The following RIN3 variants were observed in gnomAD, a reference collection of about 807,000 sequenced individuals.
RIN3 encodes Ras and Rab interactor 3, also known as RAB5 interacting protein 3.
RIN3 carries 54 observed loss-of-function variants against 76.3 expected under a neutral mutation model. That is an observed-to-expected ratio of 0.71 (90% CI 0.57 to 0.89). The LOEUF (loss-of-function observed/expected upper bound fraction) is 0.89, where lower values mean the gene tolerates loss of function less well. Ranked by LOEUF, RIN3 falls within the 40% of genes least tolerant of loss-of-function variation. RIN3 has a pLI of 0.00. For missense variants in RIN3, 1,256 were observed against 1,322.1 expected (o/e 0.95, Z 0.78); for synonymous variants, 576 against 564.0 (o/e 1.02, Z -0.30).
At position 92,652,713 on chromosome 14, in the gene RIN3, CGGA is replaced by C; in HGVS notation, c.1672_1674del (p.Glu558del). On this transcript the variant is annotated inframe_deletion, in exon 6 of 10. Coordinates refer to ENST00000216487, the MANE Select transcript of RIN3 (RefSeq NM_024832.5). This position sits in a 1 kb window ranked among gnomAD's most constrained non-coding sequence, Gnocchi z 6.4. The stretch of plus-strand genomic sequence containing the variant: ...CAGGACTCCTACTCCACCAGCAGCA[CGGA>C]GGAGGAGCTGGAGCAGTTCAGCAGC... The C allele has an allele frequency of 6.2e-7, 1 of 1,613,602 alleles. No individual in the cohort carries two copies. The highest frequency in any genetic ancestry group is 8.5e-7 in the Non-Finnish European group (1 of 1,180,024).
chr14:92,577,161 A>C (rs1465513105), intron 2 of RIN3, 199 bp from the exon 3 acceptor site: 1 of 503,254 alleles, frequency 2.0e-6, no homozygotes, highest in Non-Finnish European at 3.7e-6. Context: ...CTGAGCATGC[A>C]GGATCCTCAA....
chr14:92,673,140 A>C (rs1322573541), intron 7 of RIN3, among the ~76,000 whole-genome samples: 1 of 152,164 alleles, frequency 6.6e-6, no homozygotes, highest in Non-Finnish European at 1.5e-5. Flanking sequence ...AAGGAAAAAA[A>C]AAATAGCCAG....
intron 4 of RIN3, among the ~76,000 whole-genome samples, chr14:92,631,489 C>G (rs1166967917): frequency 6.6e-6 from 1 of 152,174 alleles, no homozygotes; most frequent in Non-Finnish European, 1.5e-5. Context: ...AGAGGGTTTC[C>G]AGACCTGGCT....
intron 4 of RIN3, among the ~76,000 whole-genome samples, chr14:92,618,223 C>T (rs911228825): frequency 6.6e-6 from 1 of 152,190 alleles, no homozygotes; most frequent in African/African-American, 2.4e-5. Flanking sequence ...AAACAGACCC[C>T]TTTTCCACTT....
In RIN3 at chr14:92,652,489, C is replaced by T. The variant is rs138881373; in HGVS notation, c.1440C>T (p.Asn480=). 715 of 1,614,110 alleles carry T rather than the reference C, an allele frequency of 4.4e-4. 5 individuals carry two copies. In the African/African-American group the frequency reaches 7.7e-3, roughly 17 times the overall value. The change falls in exon 6 of 10, where the codon AAC becomes AAT. Residue 480 remains asparagine (N), a synonymous_variant. Coordinates refer to ENST00000216487, the MANE Select transcript of RIN3 (RefSeq NM_024832.5). The surrounding 1 kb of genome is among the most constrained non-coding windows in gnomAD (Gnocchi z 6.4). The part of the protein sequence containing the change: ...LASTLPAPLE[N]AELCTQAMAL... ...CGACCCTCCCAGCTCCCTTAGAGAA[C>T]GCTGAGCTCTGCACACAGGCGATGG...
intron 3 of RIN3, among the ~76,000 whole-genome samples, chr14:92,610,306 C>G (rs534575969): frequency 2.0e-5 from 3 of 152,320 alleles, no homozygotes; most frequent in African/African-American, 4.8e-5. Flanking sequence ...GAAGCCCATA[C>G]CATTTAGCTA....
intron 3 of RIN3, among the ~76,000 whole-genome samples, chr14:92,594,032 T>C (rs912514048): frequency 6.6e-6 from 1 of 152,136 alleles, no homozygotes; most frequent in African/African-American, 2.4e-5. Flanking sequence ...TATAGACTAT[T>C]TTATCCAACA....
In RIN3 at chr14:92,648,029, A is replaced by G. The variant is rs985615374; in HGVS notation, c.533-3553A>G. On this transcript the variant is annotated intron_variant, in intron 5 of 9. Transcript: ENST00000216487. The surrounding 1 kb of genome is among the most constrained non-coding windows in gnomAD (Gnocchi z 4.1). ...CCAAACCACTAGGATTGCATGACAC[A>G]GGGTTCTGTTTCTCCCCTGGCCTTG... Among the ~76,000 whole-genome samples, 6 of 151,352 alleles carry G rather than the reference A, an allele frequency of 4.0e-5. No individual in the cohort carries two copies. Among genetic ancestry groups the G allele is most frequent in the African/African-American group, 7.3e-5 (3 of 41,146 alleles).
chr14:92,524,206 T>A (rs914816545), intron 1 of RIN3, among the ~76,000 whole-genome samples: 1 of 152,098 alleles, frequency 6.6e-6, no homozygotes, highest in Admixed American at 6.6e-5. Flanking sequence ...TCCAAAAAAC[T>A]AAACGAAAAT....
In RIN3 at chr14:92,537,634, C is replaced by CTTTTTTT. The variant is rs576683908; in HGVS notation, c.45-18096_45-18090dup. Among the ~76,000 whole-genome samples, 23 of 51,636 alleles carry CTTTTTTT rather than the reference C, an allele frequency of 4.5e-4. 2 individuals are homozygous for CTTTTTTT. The highest frequency in any genetic ancestry group is 6.2e-4 in the African/African-American group (8 of 12,822). The allele number at this position is 51,636 out of a possible 152,430, so 33.9% of individuals were successfully genotyped here. On this transcript the variant is annotated intron_variant, in intron 1 of 9. Transcript: ENST00000216487. The stretch of plus-strand genomic sequence containing the variant: ...CAGCTATAAGTGAGTGCCTTAGGGA[C>CTTTTTTT]TTTTTTTTTTTTTTTTTTTTTTTTT...
intron 2 of RIN3, among the ~76,000 whole-genome samples, chr14:92,567,624 A>ATTTT (rs34729914): frequency 2.2e-5 from 3 of 133,636 alleles, no homozygotes; most frequent in Admixed American, 7.6e-5. Context: ...CTTCTGCTGC[A>ATTTT]TTTTTTTTTT....
At chr14:92,550,177 C>G (rs969052809) in intron 1 of RIN3, among the ~76,000 whole-genome samples, 2 of 152,324 alleles carry the variant, frequency 1.3e-5, no homozygotes, top group South Asian at 4.1e-4. Context: ...CAAGTCACTT[C>G]AATCAAATGT....
intron 7 of RIN3, among the ~76,000 whole-genome samples, chr14:92,671,324 AG>A (rs1222445961): frequency 3.4e-5 from 5 of 146,010 alleles, no homozygotes; most frequent in Admixed American, 2.0e-4. Flanking sequence ...GGGTCCCAGG[AG>A]GGGGGGAACT....
chr14:92,652,794 T>C lies in RIN3; in HGVS notation c.1745T>C (p.Leu582Pro). The stretch of plus-strand genomic sequence containing the variant: ...ATCCTGGGCAAGGCTCGGCACCGGC[T>C]GAGCTTTGCCAGTTTCAGCAGCATG... Reference protein sequence around the residue: ...SMILGKARHRLSFASFSSMFH... With the variant: ...SMILGKARHRPSFASFSSMFH... The change falls in exon 6 of 10, where the codon CTG becomes CCG. Residue 582 changes from leucine (L) to proline (P), a missense_variant. Physicochemically the swap from Leu to Pro is moderately conservative, Grantham distance 98. Coordinates refer to ENST00000216487, the MANE Select transcript of RIN3 (RefSeq NM_024832.5). The surrounding 1 kb of genome is among the most constrained non-coding windows in gnomAD (Gnocchi z 6.4). The C allele has an allele frequency of 6.2e-7, 1 of 1,614,044 alleles. No homozygotes were observed. The highest frequency in any genetic ancestry group is 1.3e-5 in the African/African-American group (1 of 75,052).
chr14:92,576,220 C>T lies in RIN3; in HGVS notation c.250-1140C>T, dbSNP rs79348965. The T allele has an allele frequency of 1.3e-3, 1,681 of 1,267,152 alleles. 18 individuals carry two copies. In the African/African-American group the frequency reaches 0.024, roughly 18 times the overall value. 78.5% of individuals were successfully genotyped at this position (1,267,152 alleles called of 1,614,324 possible). A position where few individuals can be genotyped will look rare whatever the true frequency, so the allele number is the denominator to read the frequency against. On this transcript the variant is annotated intron_variant, in intron 2 of 9. Coordinates refer to ENST00000216487, the MANE Select transcript of RIN3 (RefSeq NM_024832.5). ...GAGGGATGAGCTTGCTGAGACCTGC[C>T]AAGACTCAAAGGACATTTTAAAACA...
intron 3 of RIN3, among the ~76,000 whole-genome samples, chr14:92,607,065 A>G (rs1885552813): frequency 6.6e-6 from 1 of 152,258 alleles, no homozygotes; most frequent in South Asian, 2.1e-4. Flanking sequence ...GCCATAAAGA[A>G]AAATATTCAA....
At chr14:92,557,503 C>T (rs138037873) in intron 2 of RIN3, among the ~76,000 whole-genome samples, 6 of 152,356 alleles carry the variant, frequency 3.9e-5, no homozygotes, top group Non-Finnish European at 7.3e-5. Context: ...AAGTACAGGG[C>T]TCAGATGGCG....
chr14:92,662,106 C>T (rs1256877000), intron 7 of RIN3, among the ~76,000 whole-genome samples: 1 of 152,182 alleles, frequency 6.6e-6, no homozygotes, highest in African/African-American at 2.4e-5. Context: ...GGGAAAGAGT[C>T]GAGTATGCCC....
At chr14:92,546,705 TG>T in intron 1 of RIN3, among the ~76,000 whole-genome samples, 1 of 139,884 alleles carries the variant, frequency 7.1e-6, no homozygotes, top group South Asian at 2.3e-4. Flanking sequence ...TTTCATTCTC[TG>T]GGGAGCTTTG....
Sources: gnomAD v4.1 joint callset for allele counts (sites outside exome capture counted in the v4.1 genomes callset) on GRCh38, gnomAD v4.1.1 for gene constraint, Gnocchi (gnomAD v3.1) non-coding constraint, MANE v1.5 for transcripts, NCBI Gene and HGNC (gene_info 2026-07-23, HGNC 2026-07-21) for gene names.